Variants in TRIP12 observed in about 807,000 individuals in gnomAD.
TRIP12 encodes the protein E3 ubiquitin-protein ligase TRIP12.
TRIP12 carries 25 observed loss-of-function variants against 244.2 expected under a neutral mutation model. The ratio of observed to expected loss-of-function variants is 0.10; its 90% CI spans 0.07 to 0.14. The LOEUF (loss-of-function observed/expected upper bound fraction) is 0.14. TRIP12 is among the 10% of genes least tolerant of loss of function. The pLI, the probability that TRIP12 is intolerant of heterozygous loss-of-function variation, is 1.00. For missense variants in TRIP12, 1,677 were observed against 2,486.4 expected (o/e 0.67, Z 6.92); for synonymous variants, 905 against 873.1 (o/e 1.04, Z -0.64).
At chr2:229,851,852 C>T (rs1292055153) in intron 4 of TRIP12, among the ~76,000 whole-genome samples, 2 of 152,144 alleles carry the variant, frequency 1.3e-5, no homozygotes, top group Non-Finnish European at 2.9e-5. Flanking sequence ...ACTCCAGACG[C>T]GCCACCTTAA....
At chr2:229,906,348 C>A (rs1332966195) in intron 1 of TRIP12, among the ~76,000 whole-genome samples, 1 of 148,836 alleles carries the variant, frequency 6.7e-6, no homozygotes, top group Non-Finnish European at 1.5e-5. Context: ...TTACTGTTTA[C>A]TGCATGAATC....
intron 21 of TRIP12, among the ~76,000 whole-genome samples, chr2:229,801,598 A>G (rs2044367589): frequency 6.6e-6 from 1 of 152,204 alleles, no homozygotes; most frequent in Non-Finnish European, 1.5e-5. Context: ...AATAGCAAGG[A>G]AATAAAAACA....
At chr2:229,830,283 T>G (rs2052990074) in intron 7 of TRIP12, among the ~76,000 whole-genome samples, 1 of 152,148 alleles carries the variant, frequency 6.6e-6, no homozygotes, top group African/African-American at 2.4e-5. Flanking sequence ...AGGTTGCAAT[T>G]TTTTGAATTT....
At chr2:229,795,136 C>A (rs755023825) in intron 26 of TRIP12, 43 bp downstream of exon 26, 5 of 1,578,178 alleles carry the variant, frequency 3.2e-6, no homozygotes, top group Non-Finnish European at 4.3e-6. Context: ...AAATTAAGTA[C>A]CAAATTCCAG....
chr2:229,860,579 A>G (rs1278598762), intron 2 of TRIP12, 48 bp from the exon 3 acceptor site: 1 of 1,531,680 alleles, frequency 6.5e-7, no homozygotes. Context: ...ACTGAGATGC[A>G]AATACAATAC....
Position 229,795,308 on chromosome 2 carries a change from C to T in TRIP12, c.3839G>A (p.Gly1280Glu), listed in dbSNP as rs752869357. ...TGCATTACCCACTGGTTCCACTCTT[C>T]CAATGGGCTCTTCTCCAGGAAGCTA... ...SSPLPGEEPI[G>E]RVEPVGNAPL... The change falls in exon 26 of 42, where the codon GGA (glycine) becomes GAA (glutamate). Residue 1280 changes from glycine to glutamate, a missense_variant. Around this residue, in one of 11 missense-constraint regions of TRIP12, gnomAD observed 77 missense variants for 69.2 expected, o/e 1.11. Coordinates refer to ENST00000675903, the MANE Select transcript of TRIP12 (RefSeq NM_001348323.3). 1.2e-6 allele frequency: 2 copies of T among 1,613,626 alleles called. No homozygotes were observed. Among genetic ancestry groups the T allele is most frequent in the South Asian group, 1.1e-5 (1 of 90,986 alleles).
intron 1 of TRIP12, among the ~76,000 whole-genome samples, chr2:229,889,127 A>C (rs907070743): frequency 6.6e-6 from 1 of 152,230 alleles, no homozygotes; most frequent in Admixed American, 6.5e-5. Flanking sequence ...AATTAAGAGC[A>C]TAAGCTTTGG....
chr2:229,778,556 G>A lies in TRIP12; in HGVS notation c.5241C>T (p.Asn1747=), dbSNP rs2154245534. 1 of 1,613,938 alleles carries A rather than the reference G, an allele frequency of 6.2e-7. No individual in the cohort carries two copies. The change falls in exon 36 of 42, where the codon AAC becomes AAT. Residue 1747 remains asparagine (N), a synonymous_variant. Transcript: ENST00000675903. The surrounding 1 kb of genome is among the most constrained non-coding windows in gnomAD (Gnocchi z 4.1). ...GSQEGTKYIQ[N]LQGLFALPFG... Reference sequence around the variant, plus strand: ...AGGGAAGCGCAAACAGGCCCTGGAGGTTTTGAATATACTTGGTCCCTTCTT... The same window carrying A: ...AGGGAAGCGCAAACAGGCCCTGGAGATTTTGAATATACTTGGTCCCTTCTT...
intron 2 of TRIP12, among the ~76,000 whole-genome samples, chr2:229,862,505 A>G (rs775276859): frequency 1.3e-5 from 2 of 152,208 alleles, no homozygotes; most frequent in Non-Finnish European, 2.9e-5. Context: ...GTTTTAATTA[A>G]ATCACGTTTT....
chr2:229,777,032 C>T (rs1292077419), intron 37 of TRIP12, among the ~76,000 whole-genome samples: 1 of 152,072 alleles, frequency 6.6e-6, no homozygotes, highest in Non-Finnish European at 1.5e-5. Context: ...ATAATGTCTG[C>T]CCAGATACAT....
Position 229,867,171 on chromosome 2 carries a change from G to GTTTTTTT in TRIP12, c.99-6647_99-6641dup, listed in dbSNP as rs11335613. 1.2e-4 allele frequency among the ~76,000 whole-genome samples: 15 copies of GTTTTTTT among 123,552 alleles called. 1 individual carries two copies. The highest frequency in any genetic ancestry group is 1.5e-4 in the Non-Finnish European group (9 of 60,672). 81.1% of individuals were successfully genotyped at this position (123,552 alleles called of 152,430 possible). On this transcript the variant is annotated intron_variant, in intron 2 of 41. Coordinates refer to ENST00000675903, the MANE Select transcript of TRIP12 (RefSeq NM_001348323.3). ...AAGGTTTTTTTTTGTTTGTTTGTTT[G>GTTTTTTT]TTTTTTTTTTTTGAGACAGATACTC...
At chr2:229,890,705 G>C (rs1003253170) in intron 1 of TRIP12, among the ~76,000 whole-genome samples, 6 of 152,108 alleles carry the variant, frequency 3.9e-5, no homozygotes, top group African/African-American at 1.2e-4. Context: ...ATGCATTTCA[G>C]AGTAATTATA....
intron 1 of TRIP12, among the ~76,000 whole-genome samples, chr2:229,883,056 G>A (rs567074703): frequency 1.3e-5 from 2 of 152,310 alleles, no homozygotes; most frequent in East Asian, 3.9e-4. Flanking sequence ...AACATATGAT[G>A]GATACAGGAT....
chr2:229,862,393 G>A (rs7585948), intron 2 of TRIP12, among the ~76,000 whole-genome samples: 38,629 of 152,034 alleles, frequency 0.25, 5,996 homozygotes, highest in Middle Eastern at 0.42. Flanking sequence ...GAGGTGTAAC[G>A]TTCTGTTTTT....
chr2:229,788,944 T>TAAGAA lies in TRIP12; in HGVS notation c.4696-5_4696-4insTTCTT. 6.3e-7 allele frequency: 1 copy of TAAGAA among 1,588,174 alleles called. No homozygotes were observed. Among genetic ancestry groups the TAAGAA allele is most frequent in the Admixed American group, 1.9e-5 (1 of 53,426 alleles). On this transcript the variant is annotated splice_region_variant and splice_polypyrimidine_tract_variant and intron_variant, in intron 31 of 41. Coordinates refer to ENST00000675903, the MANE Select transcript of TRIP12 (RefSeq NM_001348323.3). Reference sequence around the variant, plus strand: ...TAATTTCCTTGCACATTGCATTCTGTAAAATGTTTAAAAAAAAAAAAGTCT... The same window carrying TAAGAA: ...TAATTTCCTTGCACATTGCATTCTGTAAGAAAAAATGTTTAAAAAAAAAAAAGTCT...
At chr2:229,906,397 A>AT (rs1005439147) in intron 1 of TRIP12, among the ~76,000 whole-genome samples, 7 of 150,776 alleles carry the variant, frequency 4.6e-5, no homozygotes, top group Non-Finnish European at 7.4e-5. Context: ...TGAAAAAAAA[A>AT]AAATAAATAA....
At chr2:229,867,864 TAATAG>T (rs2061854062) in intron 2 of TRIP12, among the ~76,000 whole-genome samples, 1 of 152,234 alleles carries the variant, frequency 6.6e-6, no homozygotes, top group African/African-American at 2.4e-5. Context: ...AGGAAATTAC[TAATAG>T]AAAACATATA....
In TRIP12 at chr2:229,818,376, A is replaced by G. The variant is rs2049040411; in HGVS notation, c.1587T>C (p.Val529=). The G allele has an allele frequency of 6.2e-7, 1 of 1,613,798 alleles. No homozygotes were observed. The highest frequency in any genetic ancestry group is 1.3e-5 in the African/African-American group (1 of 75,038). Residue 529 remains valine, a synonymous_variant, in exon 9 of 42, where the codon GTT becomes GTC. Transcript: ENST00000675903. ...ETLGGFPVKS[V]VPALITLLQM... ...ACATTATGCTTACCAAAGCTGGAACAACACTCTTGACAGGAAACCCTCCCA... is the reference window on the plus strand; with the variant it reads ...ACATTATGCTTACCAAAGCTGGAACGACACTCTTGACAGGAAACCCTCCCA...
intron 38 of TRIP12, among the ~76,000 whole-genome samples, chr2:229,772,173 T>A (rs531541355): frequency 2.6e-5 from 4 of 152,232 alleles, no homozygotes; most frequent in Non-Finnish European, 5.9e-5. Context: ...GCAACTCTTA[T>A]TGGTCCAACA....
Sources: gnomAD v4.1 joint callset for allele counts (sites outside exome capture counted in the v4.1 genomes callset) on GRCh38, gnomAD v4.1.1 for gene constraint, gnomAD v4.1.1 regional missense constraint, Gnocchi (gnomAD v3.1) non-coding constraint, MANE v1.5 for transcripts, NCBI Gene and HGNC (gene_info 2026-07-23, HGNC 2026-07-21) for gene names.